The following COMT variants were observed in gnomAD, a reference collection of about 807,000 sequenced individuals.
COMT encodes the protein catechol O-methyltransferase.
Under a neutral mutation model 18.9 loss-of-function variants are expected in COMT, and 13 were observed. That is an observed-to-expected ratio of 0.69 (90% CI 0.45 to 1.09). The LOEUF is 1.09. Ranked by LOEUF, COMT falls within the 50% of genes least tolerant of loss-of-function variation. The pLI, the probability that COMT is intolerant of heterozygous loss-of-function variation, is 0.00. For missense variants in COMT, 329 were observed against 361.8 expected, an observed-to-expected ratio of 0.91 and a Z score of 0.73; for synonymous variants, 150 against 160.9, an observed-to-expected ratio of 0.93 and a Z score of 0.51.
chr22:19,952,430 G>A, intron 1 of COMT, among the ~76,000 whole-genome samples: 1 of 152,116 alleles, frequency 6.6e-6, no homozygotes, highest in East Asian at 1.9e-4. Context: ...ATGAGGTCAG[G>A]AGATCGAGAC....
chr22:19,964,141 C>G, intron 4 of COMT, 27 bp from the exon 5 acceptor site: 1 of 1,613,910 alleles, frequency 6.2e-7, no homozygotes. Flanking sequence ...TCTGTGAGGA[C>G]GTGGGCACTG....
At chr22:19,960,435 T>C (rs1373891802) in intron 1 of COMT, among the ~76,000 whole-genome samples, 1 of 152,216 alleles carries the variant, frequency 6.6e-6, no homozygotes, top group Non-Finnish European at 1.5e-5. Flanking sequence ...CAGGTCTGCA[T>C]GGTCCCTCTC....
intron 1 of COMT, among the ~76,000 whole-genome samples, chr22:19,950,180 A>G (rs11089323): frequency 0.034 from 5,155 of 150,988 alleles, 296 homozygotes; most frequent in African/African-American, 0.12. Flanking sequence ...AGTTTATATA[A>G]GAGCTAGTTC....
intron 5 of COMT, among the ~76,000 whole-genome samples, chr22:19,966,678 C>T (rs978523635): frequency 1.3e-5 from 2 of 152,064 alleles, no homozygotes; most frequent in African/African-American, 2.4e-5. Context: ...TGGCCTCAAG[C>T]GATCCTCTTG....
At chr22:19,944,554 G>A (rs577569405) in intron 1 of COMT, among the ~76,000 whole-genome samples, 1 of 148,680 alleles carries the variant, frequency 6.7e-6, no homozygotes, top group Non-Finnish European at 1.5e-5. Flanking sequence ...GCCGGGAGCG[G>A]TGGCTCACGC....
At chr22:19,952,771 T>C (rs1479541201) in intron 1 of COMT, among the ~76,000 whole-genome samples, 1 of 151,440 alleles carries the variant, frequency 6.6e-6, no homozygotes, top group African/African-American at 2.4e-5. Flanking sequence ...ACCAACATGG[T>C]GAAACCTTGT....
At chr22:19,943,917 G>A (rs1941793459) in intron 1 of COMT, among the ~76,000 whole-genome samples, 1 of 152,150 alleles carries the variant, frequency 6.6e-6, no homozygotes, top group Non-Finnish European at 1.5e-5. Flanking sequence ...GGTCTTCCTG[G>A]GCGGCCTGTG....
At chr22:19,959,747 T>C (rs1047658748) in intron 1 of COMT, among the ~76,000 whole-genome samples, 5 of 152,122 alleles carry the variant, frequency 3.3e-5, no homozygotes, top group African/African-American at 4.8e-5. Flanking sequence ...AGGCACTGCA[T>C]TGTGGCCTGG....
chr22:19,943,397 C>G (rs1941778251), intron 1 of COMT, among the ~76,000 whole-genome samples: 1 of 152,130 alleles, frequency 6.6e-6, no homozygotes. Flanking sequence ...TCTGTAATCC[C>G]AGCACTTTTG....
chr22:19,968,437 GT>G lies in COMT; in HGVS notation c.616-98del, dbSNP rs1455208975. 4 of 1,166,288 alleles carry G rather than the reference GT, an allele frequency of 3.4e-6. No homozygotes were observed. The Admixed American group carries it at 7.9e-5, about 23-fold the overall frequency. 72.2% of individuals were successfully genotyped at this position (1,166,288 alleles called of 1,614,324 possible). ...CTGGCCCCAGGGGCTAGGCACAGGCGTGGTGCCGTGGCCTAGTGAGGAGCAC... is the reference window on the plus strand; with the variant it reads ...CTGGCCCCAGGGGCTAGGCACAGGCGGGTGCCGTGGCCTAGTGAGGAGCAC... On this transcript the variant is annotated intron_variant, in intron 5 of 5. Transcript: ENST00000361682.
At chr22:19,953,302 T>C (rs1446808185) in intron 1 of COMT, among the ~76,000 whole-genome samples, 3 of 152,072 alleles carry the variant, frequency 2.0e-5, no homozygotes, top group Non-Finnish European at 4.4e-5. Flanking sequence ...TTTGTTGTTG[T>C]TTTTTTGAGA....
At chr22:19,955,272 C>A (rs779741349) in intron 1 of COMT, among the ~76,000 whole-genome samples, 29 of 152,094 alleles carry the variant, frequency 1.9e-4, no homozygotes, top group South Asian at 2.1e-4. Context: ...GAGCGCGGGG[C>A]CTGGCTGCAG....
At chr22:19,962,320 G>T in intron 2 of COMT, 1 of 781,174 alleles carries the variant, frequency 1.3e-6, no homozygotes. Context: ...GCACACACCT[G>T]CTCTGTCTAC....
At chr22:19,943,595 T>C (rs1258924128) in intron 1 of COMT, among the ~76,000 whole-genome samples, 1 of 151,588 alleles carries the variant, frequency 6.6e-6, no homozygotes, top group African/African-American at 2.4e-5. Context: ...TGAGCCATGA[T>C]CTTGCCTCTA....
intron 1 of COMT, among the ~76,000 whole-genome samples, chr22:19,950,614 G>A (rs557420962): frequency 2.2e-4 from 34 of 152,258 alleles, no homozygotes; most frequent in East Asian, 1.9e-3. Flanking sequence ...TCCAGGGACC[G>A]TGGGGAGTTG....
intron 1 of COMT, among the ~76,000 whole-genome samples, chr22:19,948,610 T>C (rs1844643819): frequency 6.6e-6 from 1 of 152,114 alleles, no homozygotes; most frequent in African/African-American, 2.4e-5. Context: ...CAGTGAGCTG[T>C]AATTGCACCA....
At chr22:19,963,898 C>T (rs546473665) in intron 4 of COMT, 139 bp downstream of exon 4, 1 of 1,256,036 alleles carries the variant, frequency 8.0e-7, no homozygotes, top group Non-Finnish European at 1.1e-6. Flanking sequence ...CTCAGTGCTT[C>T]CCAGCCTGGG....
At chr22:19,947,909 C>A (rs556626532) in intron 1 of COMT, among the ~76,000 whole-genome samples, 2 of 151,762 alleles carry the variant, frequency 1.3e-5, no homozygotes, top group Non-Finnish European at 2.9e-5. Context: ...CAGGCGCTGA[C>A]GTTACCACTA....
intron 1 of COMT, among the ~76,000 whole-genome samples, chr22:19,945,261 G>A (rs1941817682): frequency 6.6e-6 from 1 of 152,124 alleles, no homozygotes; most frequent in African/African-American, 2.4e-5. Context: ...GGGATATTTG[G>A]AAGTGACTTT....
Sources: gnomAD v4.1 joint callset for allele counts (sites outside exome capture counted in the v4.1 genomes callset) on GRCh38, gnomAD v4.1.1 for gene constraint, MANE v1.5 for transcripts, NCBI Gene and HGNC (gene_info 2026-07-23, HGNC 2026-07-21) for gene names.